Variants in SYNE2 observed in about 807,000 individuals in gnomAD.
SYNE2 encodes the protein spectrin repeat containing nuclear envelope protein 2, also known as nesprin-2.
A neutral mutation model predicts 856.3 loss-of-function variants in SYNE2; 431 were observed. The ratio of observed to expected loss-of-function variants is 0.50; its 90% CI spans 0.47 to 0.55. SYNE2 has a LOEUF of 0.55. Ranked by LOEUF, SYNE2 falls within the 20% of genes least tolerant of loss-of-function variation. SYNE2 has a pLI of 0.00. For missense variants in SYNE2, 8,129 were observed against 8,023.2 expected (o/e 1.01, Z -0.50); for synonymous variants, 2,923 against 2,872.3 (o/e 1.02, Z -0.56).
intron 70 of SYNE2, among the ~76,000 whole-genome samples, chr14:64,123,311 G>C (rs1385050383): frequency 6.6e-6 from 1 of 152,190 alleles, no homozygotes; most frequent in African/African-American, 2.4e-5. Context: ...TCTCCAGACA[G>C]GGAGCAGGTG....
intron 99 of SYNE2, among the ~76,000 whole-genome samples, chr14:64,199,421 C>A (rs931182850): frequency 1.3e-5 from 2 of 152,126 alleles, no homozygotes; most frequent in Non-Finnish European, 2.9e-5. Context: ...AATAATACTA[C>A]CTATCTCCTA....
At chr14:64,088,856 A>G (rs182595586) in intron 58 of SYNE2, among the ~76,000 whole-genome samples, 16 of 152,334 alleles carry the variant, frequency 1.1e-4, no homozygotes, top group Admixed American at 9.8e-4. Flanking sequence ...TAAGTGTTAA[A>G]GTAATTATTT....
chr14:64,016,448 A>C (rs751074208), intron 32 of SYNE2, 25 bp from the exon 33 acceptor site: 2 of 1,482,620 alleles, frequency 1.3e-6, no homozygotes, highest in South Asian at 2.5e-5. Context: ...AAATATCAGA[A>C]ATAACTTTCA....
At chr14:63,889,362 G>A (rs955840728) in intron 1 of SYNE2, among the ~76,000 whole-genome samples, 1 of 151,862 alleles carries the variant, frequency 6.6e-6, no homozygotes, top group African/African-American at 2.4e-5. Context: ...TTAACCACTG[G>A]CTCTGTTGTG....
chr14:63,831,207 T>G (rs952420792), intron 1 of SYNE2, among the ~76,000 whole-genome samples: 9 of 152,118 alleles, frequency 5.9e-5, no homozygotes, highest in Admixed American at 2.6e-4. Context: ...TTGAGTGTTT[T>G]TTCAGGAAGA....
At chr14:64,035,760 T>G (rs1471337279) in intron 45 of SYNE2, among the ~76,000 whole-genome samples, 1 of 152,014 alleles carries the variant, frequency 6.6e-6, no homozygotes, top group African/African-American at 2.4e-5. Context: ...CATAGTGCAG[T>G]CATAGCTCAC....
At chr14:63,784,757 T>C (rs1887450496) in intron 1 of SYNE2, among the ~76,000 whole-genome samples, 1 of 151,984 alleles carries the variant, frequency 6.6e-6, no homozygotes. Flanking sequence ...GTATCACTTA[T>C]ACCCAGGAGT....
In SYNE2 at chr14:63,986,470, TGAAAAA is replaced by T. The variant is rs780228619; in HGVS notation, c.2172_2177del (p.Lys724_Glu725del). The T allele has an allele frequency of 1.2e-6, 2 of 1,614,006 alleles. No individual in the cohort carries two copies. Among genetic ancestry groups the T allele is most frequent in the Non-Finnish European group, 1.7e-6 (2 of 1,179,980 alleles). On this transcript the variant is annotated inframe_deletion, in exon 19 of 116. Transcript: ENST00000555002. ...GAATGTTGTAGGCTGGAGAGAAACATGAAAAAGAAAATGAAGAATTCACAGGGCAAC... is the reference window on the plus strand; with the variant it reads ...GAATGTTGTAGGCTGGAGAGAAACATGAAAATGAAGAATTCACAGGGCAAC...
rs1347234009 is a variant in SYNE2, at chr14:64,096,931, C to G, written c.12109-1018C>G. Among the ~76,000 whole-genome samples, 3 of 152,190 alleles carry G rather than the reference C, an allele frequency of 2.0e-5. No homozygotes were observed. In the East Asian group the frequency reaches 5.8e-4, roughly 29 times the overall value. On this transcript the variant is annotated intron_variant, in intron 61 of 115. Transcript: ENST00000555002. ...AGGGGTCTAAGGAATATATTAGGAACAAATTTCAAACACATGAAGGTTTTC... is the reference window on the plus strand; with the variant it reads ...AGGGGTCTAAGGAATATATTAGGAAGAAATTTCAAACACATGAAGGTTTTC...
intron 1 of SYNE2, among the ~76,000 whole-genome samples, chr14:63,814,891 C>CAT (rs1373382701): frequency 1.3e-5 from 1 of 75,208 alleles, no homozygotes; most frequent in Non-Finnish European, 2.9e-5. Flanking sequence ...TATATATATC[C>CAT]ATATATATAT....
At chr14:64,024,045 T>G in intron 38 of SYNE2, 1 of 506,222 alleles carries the variant, frequency 2.0e-6, no homozygotes, top group East Asian at 3.7e-5. Flanking sequence ...CTGGTGGCTC[T>G]GTGTTACTTT....
At chr14:63,825,591 T>C (rs1048415249) in intron 1 of SYNE2, among the ~76,000 whole-genome samples, 5 of 152,138 alleles carry the variant, frequency 3.3e-5, no homozygotes, top group Non-Finnish European at 4.4e-5. Flanking sequence ...GAAAGAAATG[T>C]AGCCAGGTGC....
At chr14:64,087,953 C>G in intron 58 of SYNE2, 97 bp downstream of exon 58, 1 of 1,323,780 alleles carries the variant, frequency 7.6e-7, no homozygotes, top group Non-Finnish European at 1.1e-6. Flanking sequence ...GAGGCCAAGG[C>G]GGGTGGATCA....
intron 46 of SYNE2, chr14:64,048,828 G>A (rs2097203818): frequency 6.6e-6 from 1 of 150,530 alleles, no homozygotes; most frequent in African/African-American, 2.4e-5. Context: ...AGGATTGCTT[G>A]AACCCAGAAG....
intron 76 of SYNE2, among the ~76,000 whole-genome samples, chr14:64,130,524 TA>T (rs1244645276): frequency 1.3e-5 from 2 of 152,156 alleles, no homozygotes; most frequent in Non-Finnish European, 2.9e-5. Flanking sequence ...CAAACAAATT[TA>T]AAATTAAAAT....
chr14:64,069,548 CCT>C (rs1251261440), intron 51 of SYNE2, among the ~76,000 whole-genome samples: 1 of 152,162 alleles, frequency 6.6e-6, no homozygotes, highest in African/African-American at 2.4e-5. Flanking sequence ...TCCCCAGGCC[CCT>C]CTCGACATTG....
intron 1 of SYNE2, among the ~76,000 whole-genome samples, chr14:63,815,047 T>C (rs1042968324): frequency 7.4e-6 from 1 of 135,646 alleles, no homozygotes; most frequent in Non-Finnish European, 1.6e-5. Context: ...CATCCACATA[T>C]ATATATCCAT....
intron 96 of SYNE2, among the ~76,000 whole-genome samples, chr14:64,181,227 G>A (rs2098456584): frequency 6.6e-6 from 1 of 152,112 alleles, no homozygotes; most frequent in Non-Finnish European, 1.5e-5. Flanking sequence ...ACTGTTAAAT[G>A]TGATATTTGG....
intron 7 of SYNE2, among the ~76,000 whole-genome samples, chr14:63,951,151 G>GAGTT (rs1344477314): frequency 1.3e-5 from 2 of 152,042 alleles, no homozygotes; most frequent in African/African-American, 4.8e-5. Context: ...AACAGCTGTC[G>GAGTT]AGTTCAAAAG....
Sources: allele counts gnomAD v4.1 joint callset (sites outside exome capture counted in the v4.1 genomes callset), GRCh38; gene constraint gnomAD v4.1.1; transcripts MANE v1.5; gene names NCBI Gene and HGNC (gene_info 2026-07-23, HGNC 2026-07-21).